NRXN3: variants seen among roughly 807,000 people sequenced by gnomAD.
The protein encoded by NRXN3 is neurexin III.
In NRXN3, 32 loss-of-function variants were observed where a neutral mutation model predicts 137.6. The ratio of observed to expected loss-of-function variants is 0.23; its 90% CI spans 0.18 to 0.31. The LOEUF (loss-of-function observed/expected upper bound fraction) is 0.31. Among genes scored for constraint, NRXN3 ranks in the 10% least tolerant of loss-of-function variants. The probability of loss-of-function intolerance (pLI) is 1.00; values close to 1 mark genes in which losing one functional copy is unlikely to be tolerated. For synonymous variants in NRXN3, 798 were observed against 784.5 expected (o/e 1.02, Z -0.29); for missense variants, 1,574 against 2,062.5 (o/e 0.76, Z 4.59).
At position 79,185,682 on chromosome 14, in the gene NRXN3, G is replaced by C. The variant is rs559229306; in HGVS notation, c.3262+197541G>C. ...GGGTTTCACCATGTTAGCCAGGATG[G>C]TCTCGATCTCCTGACCTCGTGATCC... is the stretch of plus-strand genomic sequence containing the variant. On this transcript the variant is annotated intron_variant, in intron 15 of 20. Transcript: ENST00000335750. Among the ~76,000 whole-genome samples, 171 of 152,082 alleles carry C rather than the reference G, an allele frequency of 1.1e-3. 1 individual carries two copies. The highest frequency in any genetic ancestry group is 3.4e-3 in the Middle Eastern group (1 of 292).
chr14:79,652,688 T>C (rs901735596), intron 16 of NRXN3, among the ~76,000 whole-genome samples: 1 of 152,072 alleles, frequency 6.6e-6, no homozygotes, highest in Non-Finnish European at 1.5e-5. Flanking sequence ...GTGACATGTT[T>C]TCCAGTGTCT....
intron 15 of NRXN3, among the ~76,000 whole-genome samples, chr14:79,138,559 G>A (rs1390277305): frequency 1.3e-5 from 2 of 152,214 alleles, no homozygotes; most frequent in African/African-American, 4.8e-5. Context: ...GTGAAACTTT[G>A]TAGGCTAATC....
Position 79,743,589 on chromosome 14 carries a change from G to C in NRXN3, c.4014+45652G>C, listed in dbSNP as rs575400623. ...AAGATTTTTAAAACATTCCCCAAGT[G>C]ATTCTAATAGGTGGTCGACATGCCA... On this transcript the variant is annotated intron_variant, in intron 19 of 20. Transcript: ENST00000335750. Among the ~76,000 whole-genome samples the C allele has an allele frequency of 3.9e-5, 6 of 152,282 alleles. No individual in the cohort carries two copies. In the South Asian group the frequency reaches 6.2e-4, roughly 16 times the overall value.
chr14:78,728,771 G>A (rs901367065), intron 8 of NRXN3, among the ~76,000 whole-genome samples: 4 of 152,116 alleles, frequency 2.6e-5, no homozygotes, highest in Non-Finnish European at 5.9e-5. Flanking sequence ...ATGGTGGCAG[G>A]TGCCTGTAAT....
intron 17 of NRXN3, among the ~76,000 whole-genome samples, chr14:79,673,865 G>T (rs1048691893): frequency 6.6e-6 from 1 of 152,064 alleles, no homozygotes; most frequent in Non-Finnish European, 1.5e-5. Context: ...GCCCCAAGGG[G>T]TAGATATTAC....
chr14:78,263,426 AGG>A (rs2071119079), intron 2 of NRXN3, among the ~76,000 whole-genome samples: 1 of 152,208 alleles, frequency 6.6e-6, no homozygotes, highest in Non-Finnish European at 1.5e-5. Flanking sequence ...TTTGACCCTG[AGG>A]CCCTTTACCT....
At chr14:79,070,128 T>C (rs1371075155) in intron 15 of NRXN3, among the ~76,000 whole-genome samples, 5 of 152,176 alleles carry the variant, frequency 3.3e-5, no homozygotes, top group Non-Finnish European at 5.9e-5. Flanking sequence ...GGCCTTTGCA[T>C]TGTACACAAG....
intron 15 of NRXN3, among the ~76,000 whole-genome samples, chr14:79,244,894 G>A (rs898780449): frequency 2.0e-5 from 3 of 152,150 alleles, no homozygotes; most frequent in African/African-American, 4.8e-5. Context: ...ACAAGAAGCC[G>A]ATATCTGTTC....
At chr14:78,952,407 C>T (rs1238204202) in intron 10 of NRXN3, among the ~76,000 whole-genome samples, 1 of 152,152 alleles carries the variant, frequency 6.6e-6, no homozygotes, top group Non-Finnish European at 1.5e-5. Context: ...CTGTCCTCCT[C>T]TTCTTCCTTC....
chr14:79,680,097 T>G (rs563054689), intron 17 of NRXN3, among the ~76,000 whole-genome samples: 1 of 152,270 alleles, frequency 6.6e-6, no homozygotes, highest in South Asian at 2.1e-4. Flanking sequence ...TATAACATCC[T>G]AAGGAAATGA....
intron 15 of NRXN3, among the ~76,000 whole-genome samples, chr14:79,200,340 G>C (rs2065795174): frequency 6.6e-6 from 1 of 152,170 alleles, no homozygotes; most frequent in African/African-American, 2.4e-5. Context: ...AGTTTGCTTA[G>C]AGGATTTGGC....
At position 79,200,438 on chromosome 14, in the gene NRXN3, G is replaced by T. The variant is rs150826161; in HGVS notation, c.3262+212297G>T. Among the ~76,000 whole-genome samples, 275 of 152,300 alleles carry T rather than the reference G, an allele frequency of 1.8e-3. 2 individuals carry two copies. Among genetic ancestry groups the T allele is most frequent in the Admixed American group, 3.1e-3 (47 of 15,296 alleles). On this transcript the variant is annotated intron_variant, in intron 15 of 20. Transcript: ENST00000335750. ...AAGAACTGTAGAAGTGGGGCAATATGTGGAATAGTGAGGGTCTCAGAACAG... is the reference window on the plus strand; with the variant it reads ...AAGAACTGTAGAAGTGGGGCAATATTTGGAATAGTGAGGGTCTCAGAACAG...
intron 15 of NRXN3, among the ~76,000 whole-genome samples, chr14:79,367,317 C>T (rs1250816347): frequency 5.9e-5 from 9 of 152,138 alleles, no homozygotes; most frequent in South Asian, 4.1e-4. Flanking sequence ...CATGTGTTTA[C>T]GGATTGACAA....
In NRXN3 at chr14:78,243,002, T is replaced by C. The variant is rs2067231374; in HGVS notation, c.-92T>C. On this transcript the variant is annotated 5_prime_UTR_variant, in exon 2 of 21. Coordinates refer to ENST00000335750, the MANE Select transcript of NRXN3 (RefSeq NM_001330195.2). This position sits in a 1 kb window ranked among gnomAD's most constrained non-coding sequence, Gnocchi z 4.2. Reference sequence around the variant, plus strand: ...GCTTTCTGTCCCCCCATCTCTGTCTTGTCTTTCCCACTTCTATTGCCAAAG... The same window carrying C: ...GCTTTCTGTCCCCCCATCTCTGTCTCGTCTTTCCCACTTCTATTGCCAAAG... The C allele has an allele frequency of 2.2e-6, 2 of 901,534 alleles. No individual in the cohort carries two copies. Among genetic ancestry groups the C allele is most frequent in the African/African-American group, 1.7e-5 (1 of 59,416 alleles). 55.8% of individuals were successfully genotyped at this position (901,534 alleles called of 1,614,324 possible). A position where few individuals can be genotyped will look rare whatever the true frequency, so the allele number is the denominator to read the frequency against.
At chr14:78,348,565 G>A (rs1357795905) in intron 4 of NRXN3, among the ~76,000 whole-genome samples, 2 of 152,186 alleles carry the variant, frequency 1.3e-5, no homozygotes, top group African/African-American at 2.4e-5. Flanking sequence ...TCCCCCATAT[G>A]GTTCTTGGGG....
At chr14:78,796,848 A>G (rs895777315) in intron 8 of NRXN3, among the ~76,000 whole-genome samples, 5 of 152,148 alleles carry the variant, frequency 3.3e-5, no homozygotes, top group Non-Finnish European at 5.9e-5. Context: ...TATTCCTAGG[A>G]AAACAAACTT....
chr14:79,681,126 G>C (rs2098668045), intron 17 of NRXN3, among the ~76,000 whole-genome samples: 2 of 152,112 alleles, frequency 1.3e-5, no homozygotes, highest in African/African-American at 4.8e-5. Context: ...AGAGGAACAG[G>C]GCTAAGGATA....
At chr14:79,165,457 A>G (rs1596680653) in intron 15 of NRXN3, among the ~76,000 whole-genome samples, 2 of 152,134 alleles carry the variant, frequency 1.3e-5, no homozygotes, top group South Asian at 4.1e-4. Context: ...ATTTTGTCTT[A>G]AAGAAAAGGT....
intron 1 of NRXN3, among the ~76,000 whole-genome samples, chr14:78,174,504 CG>C (rs1253750379): frequency 2.0e-5 from 3 of 152,034 alleles, no homozygotes; most frequent in African/African-American, 7.2e-5. Flanking sequence ...TGTTGGTTTA[CG>C]GGTGGGGACT....
Sources: allele counts gnomAD v4.1 joint callset (sites outside exome capture counted in the v4.1 genomes callset), GRCh38; gene constraint gnomAD v4.1.1; non-coding constraint Gnocchi (gnomAD v3.1); transcripts MANE v1.5; gene names NCBI Gene and HGNC (gene_info 2026-07-23, HGNC 2026-07-21).